The following COL19A1 variants were observed in gnomAD, a reference collection of about 807,000 sequenced individuals.
The protein encoded by COL19A1 is collagen type XIX alpha 1 chain.
A neutral mutation model predicts 190.2 loss-of-function variants in COL19A1; 159 were observed. That is an observed-to-expected ratio of 0.84 (90% CI 0.73 to 0.95). COL19A1 has a LOEUF of 0.95. Among genes scored for constraint, COL19A1 ranks in the 40% least tolerant of loss-of-function variants. The probability of loss-of-function intolerance (pLI) is 0.00; values close to 1 mark genes in which losing one functional copy is unlikely to be tolerated. For synonymous variants in COL19A1, 509 were observed against 458.9 expected (o/e 1.11, Z -1.39); for missense variants, 1,418 against 1,431.9 (o/e 0.99, Z 0.16).
At chr6:70,010,377 A>G (rs1777914177) in intron 11 of COL19A1, among the ~76,000 whole-genome samples, 1 of 125,432 alleles carries the variant, frequency 8.0e-6, no homozygotes, top group African/African-American at 2.8e-5. Context: ...CCGAATAGGA[A>G]CAGCTCCGGT....
intron 11 of COL19A1, among the ~76,000 whole-genome samples, chr6:69,969,557 C>A (rs577802756): frequency 6.6e-6 from 1 of 152,028 alleles, no homozygotes; most frequent in Admixed American, 6.6e-5. Flanking sequence ...TTAAAAATAA[C>A]AATACAACAA....
chr6:69,960,086 G>T (rs1331467192), intron 10 of COL19A1, 46 bp downstream of exon 10: 4 of 1,552,624 alleles, frequency 2.6e-6, no homozygotes, highest in Non-Finnish European at 3.5e-6. Flanking sequence ...ATTTTAACGT[G>T]TTAAAAATAA....
intron 14 of COL19A1, among the ~76,000 whole-genome samples, chr6:70,043,610 A>G (rs7767510): frequency 0.21 from 32,014 of 152,184 alleles, 5,432 homozygotes; most frequent in African/African-American, 0.47. Context: ...CTTGTACATC[A>G]CCATCAGAGC....
At chr6:70,083,981 T>C (rs1454602857) in intron 15 of COL19A1, among the ~76,000 whole-genome samples, 1 of 152,048 alleles carries the variant, frequency 6.6e-6, no homozygotes, top group East Asian at 1.9e-4. Flanking sequence ...CTTTCAACCT[T>C]TTTTCCCCCC....
At chr6:70,142,870 A>G (rs376427976) in intron 23 of COL19A1, 50 bp downstream of exon 23, 259 of 1,530,160 alleles carry the variant, frequency 1.7e-4, no homozygotes, top group Non-Finnish European at 2.1e-4. Context: ...AGACTAGGAC[A>G]TGTTTTTAAA....
chr6:69,975,045 CCTCGTGATCCACCTGT>C (rs1775639616), intron 11 of COL19A1, among the ~76,000 whole-genome samples: 2 of 152,152 alleles, frequency 1.3e-5, no homozygotes, highest in South Asian at 2.1e-4. Context: ...GAGCTCCTGA[CCTCGTGATCCACCTGT>C]CTCGGCCTCC....
chr6:70,144,735 A>C (rs1442335792), intron 24 of COL19A1, among the ~76,000 whole-genome samples, 183 bp from the exon 25 acceptor site: 1 of 152,184 alleles, frequency 6.6e-6, no homozygotes, highest in African/African-American at 2.4e-5. Flanking sequence ...AATGCACTGA[A>C]CAGGCATGAA....
intron 2 of COL19A1, among the ~76,000 whole-genome samples, chr6:69,893,374 G>A (rs1203912622): frequency 7.9e-5 from 12 of 152,170 alleles, no homozygotes; most frequent in Non-Finnish European, 1.6e-4. Flanking sequence ...AATGTCCAGG[G>A]TAATTACAGT....
At chr6:70,024,032 A>G (rs551985138) in intron 12 of COL19A1, among the ~76,000 whole-genome samples, 14 of 152,062 alleles carry the variant, frequency 9.2e-5, no homozygotes, top group South Asian at 6.2e-4. Context: ...CCAAATCTCC[A>G]TCTAGTCTAT....
intron 11 of COL19A1, chr6:69,973,758 G>A (rs1006314986): frequency 6.6e-6 from 1 of 151,932 alleles, no homozygotes; most frequent in Non-Finnish European, 1.5e-5. Context: ...TCTCTTTTTT[G>A]GAAGTACATT....
At chr6:70,103,022 C>G (rs764367844) in intron 16 of COL19A1, among the ~76,000 whole-genome samples, 1 of 152,124 alleles carries the variant, frequency 6.6e-6, no homozygotes, top group Admixed American at 6.5e-5. Context: ...TCTTCTACCC[C>G]CTACATGTTG....
At chr6:70,091,460 A>G (rs1782921153) in intron 15 of COL19A1, among the ~76,000 whole-genome samples, 2 of 152,308 alleles carry the variant, frequency 1.3e-5, no homozygotes, top group Non-Finnish European at 2.9e-5. Flanking sequence ...CTTCGTAAAT[A>G]CTTCTTAAAT....
At chr6:69,939,696 A>G (rs529162273) in intron 9 of COL19A1, among the ~76,000 whole-genome samples, 105 of 152,136 alleles carry the variant, frequency 6.9e-4, no homozygotes, top group Non-Finnish European at 7.2e-4. Context: ...AGAGCCACAC[A>G]TAGGTAAATT....
chr6:70,108,179 C>T (rs1164270037), intron 16 of COL19A1, among the ~76,000 whole-genome samples: 1 of 152,168 alleles, frequency 6.6e-6, no homozygotes, highest in Non-Finnish European at 1.5e-5. Context: ...ATCCATTTGA[C>T]ATTAACTTTA....
chr6:70,028,188 A>T (rs1298073414), intron 12 of COL19A1, among the ~76,000 whole-genome samples: 1 of 152,184 alleles, frequency 6.6e-6, no homozygotes, highest in Non-Finnish European at 1.5e-5. Context: ...GAGCCATAAA[A>T]AATACGAGAC....
At chr6:69,949,557 C>T (rs1332539120) in intron 9 of COL19A1, among the ~76,000 whole-genome samples, 4 of 151,812 alleles carry the variant, frequency 2.6e-5, no homozygotes, top group Admixed American at 2.0e-4. Flanking sequence ...AAATCATCCT[C>T]ATGAGGTTTA....
At chr6:70,128,531 A>G (rs1356998581) in intron 17 of COL19A1, among the ~76,000 whole-genome samples, 1 of 152,224 alleles carries the variant, frequency 6.6e-6, no homozygotes, top group Non-Finnish European at 1.5e-5. Flanking sequence ...AGATATTATT[A>G]TTAACATTAG....
Position 70,149,864 on chromosome 6 carries a change from T to G in COL19A1, c.1943T>G (p.Leu648Arg). 6.2e-7 allele frequency: 1 copy of G among 1,613,776 alleles called. No homozygotes were observed. The highest frequency in any genetic ancestry group is 2.2e-5 in the East Asian group (1 of 44,836). Residue 648 changes from leucine to arginine, a missense_variant, in exon 29 of 51, where the codon CTC becomes CGC. Physicochemically the swap from Leu to Arg is moderately radical, Grantham distance 102. Coordinates refer to ENST00000620364, the MANE Select transcript of COL19A1 (RefSeq NM_001858.6). ...CTCCTTTTCCAGGGTCCTCGAGGTC[T>G]CCCTGGGTTGCCAGGAACTCCAGGG... ...GEPGIQGPRG[L>R]PGLPGTPGTP...
chr6:70,193,192 G>T (rs1352934721), intron 48 of COL19A1, among the ~76,000 whole-genome samples: 1 of 151,958 alleles, frequency 6.6e-6, no homozygotes, highest in African/African-American at 2.4e-5. Context: ...CTGGCAGCCT[G>T]CCCTGTGCAT....
Sources: gnomAD v4.1 joint callset for allele counts (sites outside exome capture counted in the v4.1 genomes callset) on GRCh38, gnomAD v4.1.1 for gene constraint, MANE v1.5 for transcripts, NCBI Gene and HGNC (gene_info 2026-07-23, HGNC 2026-07-21) for gene names.